AUH: variants seen among roughly 807,000 people sequenced by gnomAD.
AUH encodes methylglutaconyl-CoA hydratase, mitochondrial.
A neutral mutation model predicts 42.3 loss-of-function variants in AUH; 29 were observed. That is an observed-to-expected ratio of 0.69 (90% CI 0.51 to 0.93). The LOEUF (loss-of-function observed/expected upper bound fraction) is 0.93. AUH is among the 40% of genes least tolerant of loss of function. The pLI, the probability that AUH is intolerant of heterozygous loss-of-function variation, is 0.00. For missense variants in AUH, 452 were observed against 438.1 expected (o/e 1.03, Z -0.28); for synonymous variants, 174 against 166.4 (o/e 1.05, Z -0.35).
chr9:91,319,181 ATC>A (rs1331012448), intron 4 of AUH, among the ~76,000 whole-genome samples: 2 of 152,322 alleles, frequency 1.3e-5, no homozygotes, highest in East Asian at 1.9e-4. Context: ...TAGGCACTGC[ATC>A]TCTGTCTTCC....
At chr9:91,247,560 C>T (rs1828869023) in intron 6 of AUH, among the ~76,000 whole-genome samples, 1 of 152,168 alleles carries the variant, frequency 6.6e-6, no homozygotes, top group African/African-American at 2.4e-5. Flanking sequence ...TAAAACAAAT[C>T]CCATTGTGTC....
intron 3 of AUH, among the ~76,000 whole-genome samples, chr9:91,347,617 T>C (rs1251954550): frequency 6.6e-6 from 1 of 152,204 alleles, no homozygotes; most frequent in Non-Finnish European, 1.5e-5. Flanking sequence ...CCCAGGGTTT[T>C]AAGAGCTCTG....
At chr9:91,359,450 T>C (rs944112767) in intron 1 of AUH, among the ~76,000 whole-genome samples, 3 of 152,156 alleles carry the variant, frequency 2.0e-5, no homozygotes, top group Admixed American at 1.3e-4. Flanking sequence ...TCTACATAAA[T>C]AGGTTCATAC....
chr9:91,246,575 G>A (rs1828807648), intron 6 of AUH, among the ~76,000 whole-genome samples: 1 of 152,190 alleles, frequency 6.6e-6, no homozygotes, highest in South Asian at 2.1e-4. Context: ...AGATTGCAGA[G>A]CAACTGAAAC....
intron 7 of AUH, among the ~76,000 whole-genome samples, chr9:91,220,135 C>T (rs547146856): frequency 3.9e-5 from 6 of 152,220 alleles, no homozygotes; most frequent in South Asian, 2.1e-4. Flanking sequence ...TATATCTGAA[C>T]GGGTGACAAA....
chr9:91,357,810 G>A (rs941626371), intron 1 of AUH, among the ~76,000 whole-genome samples: 7 of 152,198 alleles, frequency 4.6e-5, no homozygotes, highest in Non-Finnish European at 7.3e-5. Context: ...TGTAACCTAC[G>A]AGGGGGAGAA....
At position 91,220,911 on chromosome 9, in the gene AUH, T is replaced by G. The variant is rs1181609251; in HGVS notation, c.737A>C (p.Lys246Thr). 1 of 1,614,128 alleles carries G rather than the reference T, an allele frequency of 6.2e-7. No homozygotes were observed. The highest frequency in any genetic ancestry group is 2.2e-5 in the East Asian group (1 of 44,896). The change falls in exon 7 of 10, where the codon AAA (lysine) becomes ACA (threonine). Residue 246 changes from lysine to threonine, a missense_variant. Lys to Thr is a moderately conservative substitution (Grantham distance 78, BLOSUM62 -1). Transcript: ENST00000375731. ...LIFSARVLDG[K>T]EAKAVGLISH... The stretch of plus-strand genomic sequence containing the variant: ...GATTAAGCCCACTGCTTTGGCTTCT[T>G]TGCCATCGAGGACTCGCGCAGAGAA...
intron 6 of AUH, among the ~76,000 whole-genome samples, chr9:91,224,218 TAA>T (rs1827300816): frequency 1.3e-5 from 2 of 152,322 alleles, no homozygotes; most frequent in Admixed American, 6.5e-5. Flanking sequence ...GCTGAGCGCC[TAA>T]GTTTTCATGT....
chr9:91,354,036 C>T (rs558335287), intron 3 of AUH, among the ~76,000 whole-genome samples: 20 of 151,670 alleles, frequency 1.3e-4, no homozygotes, highest in Non-Finnish European at 2.5e-4. Context: ...GGCGTGGTGG[C>T]GGGCATCTGT....
chr9:91,226,323 G>T (rs1325660530), intron 6 of AUH, among the ~76,000 whole-genome samples: 1 of 146,906 alleles, frequency 6.8e-6, no homozygotes, highest in Non-Finnish European at 1.5e-5. Context: ...ATTTTTTCAT[G>T]TGTTTTTTGG....
At chr9:91,301,346 G>A (rs921193747) in intron 4 of AUH, among the ~76,000 whole-genome samples, 10 of 152,128 alleles carry the variant, frequency 6.6e-5, no homozygotes, top group Admixed American at 6.5e-4. Context: ...AGTGATAAAT[G>A]CATCTTTCTT....
In AUH at chr9:91,320,698, T is replaced by C. The variant is rs112673762; in HGVS notation, c.505+4620A>G. ...AAGTTTTTCTTTTAACATAACTTAA[T>C]TCCACCGTGGACAGAAAATATGGTC... On this transcript the variant is annotated intron_variant, in intron 4 of 9. Transcript: ENST00000375731. Among the ~76,000 whole-genome samples, 318 of 152,358 alleles carry C rather than the reference T, an allele frequency of 2.1e-3. 2 individuals are homozygous for C. The highest frequency in any genetic ancestry group is 7.3e-3 in the African/African-American group (302 of 41,588).
intron 6 of AUH, among the ~76,000 whole-genome samples, chr9:91,284,169 A>G (rs1826209651): frequency 6.6e-6 from 1 of 152,090 alleles, no homozygotes; most frequent in Non-Finnish European, 1.5e-5. Context: ...CACATCTACA[A>G]CCATCTGATC....
chr9:91,341,439 G>GT (rs1831093998), intron 3 of AUH, among the ~76,000 whole-genome samples: 2 of 152,326 alleles, frequency 1.3e-5, no homozygotes, highest in Non-Finnish European at 2.9e-5. Context: ...AGGTTTAACG[G>GT]TAAGTCATAA....
intron 6 of AUH, among the ~76,000 whole-genome samples, chr9:91,294,523 G>A (rs1300134511): frequency 6.6e-6 from 1 of 152,208 alleles, no homozygotes; most frequent in Non-Finnish European, 1.5e-5. Context: ...ACTCCAACCT[G>A]GCAACAGAGC....
At chr9:91,256,459 C>G (rs541536595) in intron 6 of AUH, among the ~76,000 whole-genome samples, 2 of 152,234 alleles carry the variant, frequency 1.3e-5, no homozygotes, top group South Asian at 2.1e-4. Context: ...AGCACAGCTA[C>G]TGGCATCACC....
intron 1 of AUH, among the ~76,000 whole-genome samples, chr9:91,359,269 A>T (rs940617831): frequency 6.6e-6 from 1 of 152,234 alleles, no homozygotes; most frequent in Non-Finnish European, 1.5e-5. Flanking sequence ...CTCCTTCCCT[A>T]GAACCAGCTC....
In AUH at chr9:91,355,879, A is replaced by C. The variant is rs537962245; in HGVS notation, c.418+4T>G. 3 of 1,600,970 alleles carry C rather than the reference A, an allele frequency of 1.9e-6. No individual in the cohort carries two copies. The South Asian group carries it at 3.3e-5, about 18-fold the overall frequency. On this transcript the variant is annotated splice_donor_region_variant and intron_variant, in intron 3 of 9. Coordinates refer to ENST00000375731, the MANE Select transcript of AUH (RefSeq NM_001698.3). ...TAATTTCATAATACAACATATTTAC[A>C]TACCAGCACAGAATATCCCTGGGAC...
chr9:91,227,741 T>G (rs1337978255), intron 6 of AUH, among the ~76,000 whole-genome samples: 1 of 152,104 alleles, frequency 6.6e-6, no homozygotes, highest in African/African-American at 2.4e-5. Flanking sequence ...ATACCTAATT[T>G]ATTGAGAGCT....
Sources: allele counts gnomAD v4.1 joint callset (sites outside exome capture counted in the v4.1 genomes callset), GRCh38; gene constraint gnomAD v4.1.1; transcripts MANE v1.5; gene names NCBI Gene and HGNC (gene_info 2026-07-23, HGNC 2026-07-21).